NRXN1: variants seen among roughly 807,000 people sequenced by gnomAD.
The protein encoded by NRXN1 is neurexin-1.
NRXN1 carries 39 observed loss-of-function variants against 150.9 expected under a neutral mutation model. The ratio of observed to expected loss-of-function variants is 0.26; its 90% CI spans 0.20 to 0.34. The LOEUF is 0.34. Ranked by LOEUF, NRXN1 falls within the 10% of genes least tolerant of loss-of-function variation. The probability of loss-of-function intolerance (pLI) is 1.00; values close to 1 mark genes in which losing one functional copy is unlikely to be tolerated. For synonymous variants in NRXN1, 924 were observed against 757.0 expected (o/e 1.22, Z -3.62); for missense variants, 1,815 against 1,949.9 (o/e 0.93, Z 1.30).
At chr2:50,492,115 A>C (rs1162637039) in intron 15 of NRXN1, among the ~76,000 whole-genome samples, 2 of 152,234 alleles carry the variant, frequency 1.3e-5, no homozygotes, top group Non-Finnish European at 1.5e-5. Flanking sequence ...CCAACCATTT[A>C]TCTCTCTAAA....
intron 18 of NRXN1, among the ~76,000 whole-genome samples, chr2:50,102,214 T>G (rs1318350075): frequency 6.6e-6 from 1 of 152,006 alleles, no homozygotes; most frequent in Non-Finnish European, 1.5e-5. Flanking sequence ...TTTTTTCATC[T>G]TCACAAAACA....
chr2:50,680,903 C>T (rs1034911086), intron 5 of NRXN1, among the ~76,000 whole-genome samples: 3 of 152,128 alleles, frequency 2.0e-5, no homozygotes, highest in African/African-American at 7.2e-5. Context: ...GCATTGAGAC[C>T]TGCCTTAAGA....
intron 20 of NRXN1, 100 bp downstream of exon 20, chr2:50,054,855 C>T (rs188028635): frequency 2.4e-4 from 178 of 744,846 alleles, no homozygotes; most frequent in Admixed American, 8.7e-4. Context: ...TTTAGTTTTA[C>T]GGAAAATTTA....
intron 21 of NRXN1, among the ~76,000 whole-genome samples, chr2:50,040,876 T>A (rs931255332): frequency 9.8e-5 from 15 of 152,302 alleles, no homozygotes; most frequent in African/African-American, 2.2e-4. Context: ...TTGCTTTTTT[T>A]AAATTACACT....
chr2:50,408,239 G>C (rs1166595835), intron 17 of NRXN1, among the ~76,000 whole-genome samples: 4 of 152,264 alleles, frequency 2.6e-5, no homozygotes, highest in South Asian at 4.1e-4. Flanking sequence ...GTCTACAATA[G>C]ATTAACATGA....
At chr2:50,818,720 G>A (rs959675585) in intron 5 of NRXN1, among the ~76,000 whole-genome samples, 1 of 152,030 alleles carries the variant, frequency 6.6e-6, no homozygotes, top group Admixed American at 6.6e-5. Context: ...AAGGAAATGA[G>A]TGAAAAGGCA....
intron 17 of NRXN1, among the ~76,000 whole-genome samples, chr2:50,336,941 C>A (rs556498935): frequency 6.6e-6 from 1 of 152,184 alleles, no homozygotes; most frequent in East Asian, 1.9e-4. Flanking sequence ...CAAAGTAAAT[C>A]CAGATAGCCA....
At chr2:50,322,806 C>T (rs1246634273) in intron 17 of NRXN1, among the ~76,000 whole-genome samples, 1 of 152,066 alleles carries the variant, frequency 6.6e-6, no homozygotes, top group Non-Finnish European at 1.5e-5. Flanking sequence ...AGACATTAGT[C>T]CTAAACACAG....
intron 21 of NRXN1, among the ~76,000 whole-genome samples, chr2:49,953,236 G>A (rs1215659256): frequency 6.6e-6 from 1 of 152,086 alleles, no homozygotes; most frequent in Non-Finnish European, 1.5e-5. Context: ...CTGATTTTGA[G>A]TTGATTCATG....
intron 6 of NRXN1, among the ~76,000 whole-genome samples, chr2:50,623,007 C>G (rs1680314316): frequency 6.6e-6 from 1 of 152,048 alleles, no homozygotes; most frequent in Non-Finnish European, 1.5e-5. Flanking sequence ...TAAAATTAAA[C>G]AAACAAAAAA....
chr2:51,017,319 A>G (rs1374202715), intron 2 of NRXN1, among the ~76,000 whole-genome samples: 2 of 151,220 alleles, frequency 1.3e-5, no homozygotes, highest in Non-Finnish European at 3.0e-5. Context: ...CTGATAAAAG[A>G]GGTTTCTGGG....
intron 8 of NRXN1, among the ~76,000 whole-genome samples, chr2:50,609,804 T>C (rs1677735573): frequency 6.6e-6 from 1 of 152,172 alleles, no homozygotes; most frequent in South Asian, 2.1e-4. Context: ...AAATGACCTA[T>C]GTCAACCTAA....
chr2:49,986,659 T>C (rs1680966063), intron 21 of NRXN1, among the ~76,000 whole-genome samples: 2 of 152,230 alleles, frequency 1.3e-5, no homozygotes, highest in African/African-American at 4.8e-5. Context: ...TTTTGATACA[T>C]GCATACAACA....
At chr2:49,967,527 G>C (rs1234536607) in intron 21 of NRXN1, among the ~76,000 whole-genome samples, 1 of 151,962 alleles carries the variant, frequency 6.6e-6, no homozygotes, top group Non-Finnish European at 1.5e-5. Flanking sequence ...ATCCTTGTTT[G>C]AATGGCATGT....
At chr2:49,973,652 G>T (rs1014896058) in intron 21 of NRXN1, 1 of 352,522 alleles carries the variant, frequency 2.8e-6, no homozygotes, top group Non-Finnish European at 5.2e-6. Flanking sequence ...CACAAGTTTT[G>T]GTTGTTTTTG....
chr2:50,727,537 T>C (rs1697538209), intron 5 of NRXN1, among the ~76,000 whole-genome samples: 1 of 152,084 alleles, frequency 6.6e-6, no homozygotes, highest in Non-Finnish European at 1.5e-5. Context: ...AAATAGATCA[T>C]GATGATCCCC....
At chr2:50,176,015 T>G (rs2060333308) in intron 18 of NRXN1, among the ~76,000 whole-genome samples, 1 of 152,140 alleles carries the variant, frequency 6.6e-6, no homozygotes, top group Non-Finnish European at 1.5e-5. Flanking sequence ...CCTAGCCCCC[T>G]AAGCACTGTA....
chr2:50,888,068 G>T (rs555342500), intron 5 of NRXN1, among the ~76,000 whole-genome samples: 1 of 151,340 alleles, frequency 6.6e-6, no homozygotes, highest in African/African-American at 2.4e-5. Context: ...GAGAAACAAT[G>T]ATATCTGTCT....
chr2:50,001,833 C>T (rs535157354), intron 21 of NRXN1, among the ~76,000 whole-genome samples: 1 of 152,116 alleles, frequency 6.6e-6, no homozygotes, highest in East Asian at 1.9e-4. Flanking sequence ...TAAGCGTGGA[C>T]ATGACCTGTG....
Sources: gnomAD v4.1 joint callset for allele counts (sites outside exome capture counted in the v4.1 genomes callset) on GRCh38, gnomAD v4.1.1 for gene constraint, MANE v1.5 for transcripts, NCBI Gene and HGNC (gene_info 2026-07-23, HGNC 2026-07-21) for gene names.